Variants in MPPE1 observed in about 807,000 individuals in gnomAD.
MPPE1 encodes metallo phosphoesterase.
In MPPE1, 28 loss-of-function variants were observed where a neutral mutation model predicts 43.8. That is an observed-to-expected ratio of 0.64 (90% CI 0.47 to 0.88). The LOEUF (loss-of-function observed/expected upper bound fraction) is 0.88. Among genes scored for constraint, MPPE1 ranks in the 40% least tolerant of loss-of-function variants. MPPE1 has a pLI of 0.00. For missense variants in MPPE1, 428 were observed against 492.2 expected (o/e 0.87, Z 1.23); for synonymous variants, 159 against 188.5 (o/e 0.84, Z 1.28).
intron 10 of MPPE1, chr18:11,885,096 T>C: frequency 2.4e-6 from 3 of 1,230,312 alleles, no homozygotes; most frequent in Non-Finnish European, 3.2e-6. Context: ...TGCAGATACT[T>C]TTATGTGGAA....
chr18:11,899,422 A>G, intron 2 of MPPE1, among the ~76,000 whole-genome samples: 1 of 152,228 alleles, frequency 6.6e-6, no homozygotes. Context: ...TTCTTTTATA[A>G]GCTATTTATG....
rs1381417506 is a variant in MPPE1 at position 11,886,843 on chromosome 18, A to AG, written c.679-66dup. The AG allele has an allele frequency of 1.3e-6, 2 of 1,597,636 alleles. No individual in the cohort carries two copies. Among genetic ancestry groups the AG allele is most frequent in the Admixed American group, 3.4e-5 (2 of 58,686 alleles). ...CCCTCATCAAAGGGCAAGAAGCGCT[A>AG]GGGGGCTGAGTGAGCAACCGAAGCG... On this transcript the variant is annotated intron_variant, in intron 7 of 10. Coordinates refer to ENST00000588072, the MANE Select transcript of MPPE1 (RefSeq NM_023075.6). This position sits in a 1 kb window ranked among gnomAD's most constrained non-coding sequence, Gnocchi z 4.1.
rs1404136026 is a variant in MPPE1 at position 11,893,594 on chromosome 18, AAAGT to A, written c.282-22_282-19del. 6.9e-6 allele frequency: 11 copies of A among 1,599,740 alleles called. No homozygotes were observed. The highest frequency in any genetic ancestry group is 9.4e-6 in the Non-Finnish European group (11 of 1,167,104). Reference sequence around the variant, plus strand: ...GCCATTCCCTTGATGCCAATAGGAAAAAGTAAGGCATCAGTCTCTTTCCTAGGTG... The same window carrying A: ...GCCATTCCCTTGATGCCAATAGGAAAAAGGCATCAGTCTCTTTCCTAGGTG... On this transcript the variant is annotated intron_variant, in intron 3 of 10. Transcript: ENST00000588072.
At chr18:11,891,041 GAAAA>G (rs71172027) in intron 4 of MPPE1, 4 of 151,110 alleles carry the variant, frequency 2.6e-5, no homozygotes, top group Non-Finnish European at 5.9e-5. Context: ...CTAGGGTAGG[GAAAA>G]AAAACAAAAA....
At chr18:11,907,733 G>C (rs932226428) in intron 1 of MPPE1, among the ~76,000 whole-genome samples, 1 of 146,686 alleles carries the variant, frequency 6.8e-6, no homozygotes, top group Non-Finnish European at 1.5e-5. Context: ...GGCTGGTCTC[G>C]CATCTCTGGG....
At chr18:11,896,926 G>T (rs1474720282) in intron 3 of MPPE1, 58 bp downstream of exon 3, 14 of 1,473,750 alleles carry the variant, frequency 9.5e-6, no homozygotes, top group Non-Finnish European at 1.3e-5. Flanking sequence ...CCTATGAGGA[G>T]AGGGCTATAC....
chr18:11,896,908 A>C, intron 3 of MPPE1, 76 bp downstream of exon 3: 1 of 1,318,214 alleles, frequency 7.6e-7, no homozygotes, highest in Non-Finnish European at 1.0e-6. Flanking sequence ...CTAAAGCCAT[A>C]AGCCTTGCCT....
chr18:11,904,656 C>T (rs371410331), intron 2 of MPPE1, among the ~76,000 whole-genome samples: 1 of 152,124 alleles, frequency 6.6e-6, no homozygotes, highest in African/African-American at 2.4e-5. Flanking sequence ...AGTGGCTGTG[C>T]GGGGCATGGT....
At position 11,897,088 on chromosome 18, in the gene MPPE1, A is replaced by G. The variant is rs759940818; in HGVS notation, c.177T>C (p.Ser59=). Reference sequence around the variant, plus strand: ...GCTCACGTGTGGTCTGTTCACCATCAGAGGCTGTGGTTTTCACTTCAGGCC... The same window carrying G: ...GCTCACGTGTGGTCTGTTCACCATCGGAGGCTGTGGTTTTCACTTCAGGCC... ...CNWPEVKTTA[S]DGEQTTREPV... is the part of the protein sequence containing the mutation. Residue 59 remains serine (S), a synonymous_variant, in exon 3 of 11, where the codon TCT becomes TCC. Coordinates refer to ENST00000588072, the MANE Select transcript of MPPE1 (RefSeq NM_023075.6). 1 of 1,524,418 alleles carries G rather than the reference A, an allele frequency of 6.6e-7. No individual in the cohort carries two copies. The highest frequency in any genetic ancestry group is 1.2e-5 in the South Asian group (1 of 86,116). 94.4% of individuals were successfully genotyped at this position (1,524,418 alleles called of 1,614,324 possible).
At chr18:11,885,005 G>A (rs1567920381) in intron 10 of MPPE1, 4 of 1,300,660 alleles carry the variant, frequency 3.1e-6, no homozygotes, top group East Asian at 5.3e-5. Context: ...AGGGAAAGGT[G>A]TCTTCCTGCC....
At chr18:11,901,771 G>A (rs2039231495) in intron 2 of MPPE1, among the ~76,000 whole-genome samples, 2 of 152,034 alleles carry the variant, frequency 1.3e-5, no homozygotes, top group Non-Finnish European at 1.5e-5. Context: ...TCCAGGAGGT[G>A]GAGGTTGCAG....
rs889209647 is a variant in MPPE1, at chr18:11,882,972, A to ATC, written c.*1472_*1473insGA. 1.3e-5 allele frequency: 2 copies of ATC among 152,192 alleles called. No homozygotes were observed. The highest frequency in any genetic ancestry group is 2.9e-5 in the Non-Finnish European group (2 of 68,034). The allele number at this position is 152,192 out of a possible 1,614,324, so 9.4% of individuals were successfully genotyped here. A position where few individuals can be genotyped will look rare whatever the true frequency, so the allele number is the denominator to read the frequency against. ...GGGTAGTTTTTGTAGGTCTAAAATA[A>ATC]TAATCTATAAAGATGTCCAAAGTTA... On this transcript the variant is annotated 3_prime_UTR_variant, in exon 11 of 11. Coordinates refer to ENST00000588072, the MANE Select transcript of MPPE1 (RefSeq NM_023075.6).
chr18:11,903,767 T>C (rs2105720), intron 2 of MPPE1, among the ~76,000 whole-genome samples: 60,228 of 151,990 alleles, frequency 0.4, 12,313 homozygotes, highest in East Asian at 0.5. Flanking sequence ...GATCGCGCCA[T>C]TGCACTCCAG....
rs34960916 is a variant in MPPE1, at chr18:11,898,910, C to CTTT, written c.-92-1557_-92-1555dup. Among the ~76,000 whole-genome samples the CTTT allele has an allele frequency of 2.3e-3, 328 of 142,764 alleles. 2 individuals carry two copies. Among genetic ancestry groups the CTTT allele is most frequent in the African/African-American group, 7.4e-3 (290 of 39,264 alleles). 93.7% of individuals were successfully genotyped at this position (142,764 alleles called of 152,430 possible). On this transcript the variant is annotated intron_variant, in intron 2 of 10. Coordinates refer to ENST00000588072, the MANE Select transcript of MPPE1 (RefSeq NM_023075.6). ...CAGTGGCCAGCCTTCATTAATTAAA[C>CTTT]TTTTTTTTTTTTTCTGAGACAGAAT... is the stretch of plus-strand genomic sequence containing the variant.
chr18:11,896,877 A>G lies in MPPE1; in HGVS notation c.281+107T>C, dbSNP rs900356443. ...ATGTCCCTAAATGTCCTCCTTTGAGAGGAAAATAACTAAGAGTAACCTAAA... is the reference window on the plus strand; with the variant it reads ...ATGTCCCTAAATGTCCTCCTTTGAGGGGAAAATAACTAAGAGTAACCTAAA... On this transcript the variant is annotated intron_variant, in intron 3 of 10. Transcript: ENST00000588072. 6.9e-6 allele frequency: 7 copies of G among 1,016,696 alleles called. No individual in the cohort carries two copies. In the African/African-American group the frequency reaches 9.7e-5, roughly 14 times the overall value. 63.0% of individuals were successfully genotyped at this position (1,016,696 alleles called of 1,614,324 possible). A position where few individuals can be genotyped will look rare whatever the true frequency, so the allele number is the denominator to read the frequency against.
intron 4 of MPPE1, among the ~76,000 whole-genome samples, chr18:11,892,738 G>T (rs974091274): frequency 6.6e-6 from 1 of 151,808 alleles, no homozygotes; most frequent in Non-Finnish European, 1.5e-5. Context: ...ATGTGATGAA[G>T]TTTTTTATAC....
intron 1 of MPPE1, among the ~76,000 whole-genome samples, chr18:11,906,985 T>C (rs1030446491): frequency 6.6e-6 from 1 of 152,084 alleles, no homozygotes; most frequent in African/African-American, 2.4e-5. Flanking sequence ...CCCTCAACCA[T>C]CTGCATGGAC....
Position 11,885,808 on chromosome 18 carries a change from CCACAG to C in MPPE1, c.871_875del (p.Leu291ValfsTer46), listed in dbSNP as rs1567924229. 8.7e-6 allele frequency: 14 copies of C among 1,607,424 alleles called. No homozygotes were observed. The highest frequency in any genetic ancestry group is 1.1e-5 in the Non-Finnish European group (13 of 1,175,066). ...TGAGAACCAGGCGCGGCTGGAGCCA[CCACAG>C]CAGCTGACAGTGGCCGAGAAGACAG... On this transcript the variant is annotated frameshift_variant, in exon 10 of 11. Coordinates refer to ENST00000588072, the MANE Select transcript of MPPE1 (RefSeq NM_023075.6). LOFTEE classifies it high-confidence loss of function.
At chr18:11,897,515 AAAC>A in intron 2 of MPPE1, 159 bp from the exon 3 acceptor site, 2 of 441,782 alleles carry the variant, frequency 4.5e-6, no homozygotes, top group South Asian at 6.6e-5. Flanking sequence ...CTAATAAGGA[AAAC>A]AACTGACCTC....
Sources: gnomAD v4.1 joint callset for allele counts (sites outside exome capture counted in the v4.1 genomes callset) on GRCh38, gnomAD v4.1.1 for gene constraint, Gnocchi (gnomAD v3.1) non-coding constraint, MANE v1.5 for transcripts, NCBI Gene and HGNC (gene_info 2026-07-23, HGNC 2026-07-21) for gene names.